SAMMSON: variants seen among roughly 807,000 people sequenced by gnomAD.
The protein encoded by SAMMSON is long intergenic non-protein coding RNA 1212.
At chr3:70,383,120 G>T (rs1042229226) in intron 9 of SAMMSON, among the ~76,000 whole-genome samples, 1 of 151,980 alleles carries the variant, frequency 6.6e-6, no homozygotes, top group African/African-American at 2.4e-5. Context: ...GAATCCCAAA[G>T]TATAAATCTC....
intron 4 of SAMMSON, among the ~76,000 whole-genome samples, chr3:70,241,694 A>G (rs960998915): frequency 6.6e-6 from 1 of 152,188 alleles, no homozygotes; most frequent in South Asian, 2.1e-4. Flanking sequence ...GTGTTCAATC[A>G]TGTCCTGCTG....
At chr3:70,144,864 G>A (rs1049860146) in intron 4 of SAMMSON, among the ~76,000 whole-genome samples, 1 of 152,126 alleles carries the variant, frequency 6.6e-6, no homozygotes, top group Non-Finnish European at 1.5e-5. Context: ...CCAGCTATGT[G>A]GAACTGTAAG....
chr3:70,214,879 T>C (rs1343191462), intron 4 of SAMMSON, among the ~76,000 whole-genome samples: 1 of 152,038 alleles, frequency 6.6e-6, no homozygotes, highest in East Asian at 1.9e-4. Flanking sequence ...GATTATGTTA[T>C]CTGAGAAAAA....
At chr3:70,133,809 GTCATAAA>G (rs1434561914) in intron 4 of SAMMSON, among the ~76,000 whole-genome samples, 5 of 152,132 alleles carry the variant, frequency 3.3e-5, no homozygotes, top group African/African-American at 1.2e-4. Flanking sequence ...TCCTTACTCA[GTCATAAA>G]TATATGATCC....
At chr3:70,035,953 A>G (rs183772687) in intron 3 of SAMMSON, among the ~76,000 whole-genome samples, 73 of 152,310 alleles carry the variant, frequency 4.8e-4, no homozygotes, top group African/African-American at 1.7e-3. Flanking sequence ...GTGGGAGGAT[A>G]TTGGGAAAAC....
chr3:70,408,694 C>A (rs1254082190), intron 2 of SAMMSON, among the ~76,000 whole-genome samples: 2 of 152,154 alleles, frequency 1.3e-5, no homozygotes, highest in Non-Finnish European at 2.9e-5. Context: ...TCCAAATTTT[C>A]CCACATTTTC....
At chr3:70,002,849 A>C (rs1438264670) in intron 1 of SAMMSON, among the ~76,000 whole-genome samples, 1 of 152,030 alleles carries the variant, frequency 6.6e-6, no homozygotes, top group East Asian at 1.9e-4. Flanking sequence ...ACAGTATTCT[A>C]TGTACTTGCT....
intron 3 of SAMMSON, among the ~76,000 whole-genome samples, chr3:70,044,951 TTTAA>T (rs1380512461): frequency 5.0e-5 from 7 of 140,700 alleles, no homozygotes; most frequent in African/African-American, 1.3e-4. Flanking sequence ...GGTAAAATAC[TTTAA>T]TTATATTAGA....
At chr3:70,266,245 A>G (rs1333183845) in intron 6 of SAMMSON, among the ~76,000 whole-genome samples, 1 of 152,052 alleles carries the variant, frequency 6.6e-6, no homozygotes, top group African/African-American at 2.4e-5. Flanking sequence ...TTGTGAGTTG[A>G]TGTGACCTAT....
intron 2 of SAMMSON, among the ~76,000 whole-genome samples, chr3:70,409,206 G>A (rs1022248313): frequency 3.3e-5 from 5 of 152,112 alleles, no homozygotes; most frequent in Non-Finnish European, 7.4e-5. Flanking sequence ...CCATGGGACT[G>A]TATTCTGATG....
At chr3:70,060,487 T>A (rs1412814622) in intron 3 of SAMMSON, among the ~76,000 whole-genome samples, 1 of 152,166 alleles carries the variant, frequency 6.6e-6, no homozygotes, top group Non-Finnish European at 1.5e-5. Flanking sequence ...AACCAATTTT[T>A]ATTTTCCTCT....
chr3:70,044,681 C>T (rs2107587401), intron 3 of SAMMSON, among the ~76,000 whole-genome samples: 1 of 151,844 alleles, frequency 6.6e-6, no homozygotes, highest in Admixed American at 6.6e-5. Context: ...GTAACACACA[C>T]ATGCACAAAT....
At chr3:70,142,104 A>G (rs923740179) in intron 4 of SAMMSON, among the ~76,000 whole-genome samples, 2 of 132,234 alleles carry the variant, frequency 1.5e-5, no homozygotes, top group Middle Eastern at 3.4e-3. Flanking sequence ...CAGTACAACC[A>G]CTATGGAAAA....
chr3:70,340,888 G>T (rs1702706437), intron 7 of SAMMSON, among the ~76,000 whole-genome samples: 1 of 152,194 alleles, frequency 6.6e-6, no homozygotes, highest in East Asian at 1.9e-4. Flanking sequence ...AGTCCTCTTG[G>T]TGAATAATCA....
chr3:70,144,306 T>C (rs2067539456), intron 4 of SAMMSON, among the ~76,000 whole-genome samples: 2 of 152,096 alleles, frequency 1.3e-5, no homozygotes, highest in South Asian at 4.1e-4. Flanking sequence ...AACTGCTATA[T>C]ATAAAATAAT....
At chr3:70,187,301 A>T (rs1345150333) in intron 4 of SAMMSON, among the ~76,000 whole-genome samples, 5 of 151,966 alleles carry the variant, frequency 3.3e-5, no homozygotes, top group African/African-American at 4.8e-5. Flanking sequence ...TGTTCCTTTG[A>T]CCTGTGAATA....
At chr3:70,239,950 T>C (rs1245946419) in intron 4 of SAMMSON, among the ~76,000 whole-genome samples, 1 of 152,094 alleles carries the variant, frequency 6.6e-6, no homozygotes, top group African/African-American at 2.4e-5. Flanking sequence ...TGTATTTCTT[T>C]CACTGACCAA....
rs1374121265 is a variant in SAMMSON, at chr3:70,280,861, G to A, written n.675-10318G>A. On this transcript the variant is annotated intron_variant and non_coding_transcript_variant, in intron 6 of 9. Coordinates refer to ENST00000642114, the Ensembl canonical transcript of SAMMSON. ...TGCCCCACACCCAGAAGGAAGGGACGCTGCACAGAAAGTCCAAGAAGAATC... is the reference window on the plus strand; with the variant it reads ...TGCCCCACACCCAGAAGGAAGGGACACTGCACAGAAAGTCCAAGAAGAATC... Among the ~76,000 whole-genome samples, 34 of 152,128 alleles carry A rather than the reference G, an allele frequency of 2.2e-4. 1 individual carries two copies. Among genetic ancestry groups the A allele is most frequent in the Admixed American group, 2.2e-3 (34 of 15,262 alleles).
intron 4 of SAMMSON, among the ~76,000 whole-genome samples, chr3:70,232,162 C>T (rs545048813): frequency 2.0e-5 from 3 of 152,274 alleles, no homozygotes; most frequent in South Asian, 2.1e-4. Flanking sequence ...ACCGTACACT[C>T]GACACACTTG....
Sources: allele counts gnomAD v4.1 joint callset (sites outside exome capture counted in the v4.1 genomes callset), GRCh38; gene constraint gnomAD v4.1.1; transcripts MANE v1.5; gene names NCBI Gene and HGNC (gene_info 2026-07-23, HGNC 2026-07-21).